Variants in PCNT observed in about 807,000 individuals in gnomAD.
The protein encoded by PCNT is pericentrin, also known as kendrin.
PCNT carries 319 observed loss-of-function variants against 380.4 expected under a neutral mutation model. That is an observed-to-expected ratio of 0.84 (90% CI 0.77 to 0.92). The LOEUF is 0.92. Among genes scored for constraint, PCNT ranks in the 40% least tolerant of loss-of-function variants. The probability of loss-of-function intolerance (pLI) is 0.00; values close to 1 mark genes in which losing one functional copy is unlikely to be tolerated. For missense variants in PCNT, 4,400 were observed against 4,255.3 expected, an observed-to-expected ratio of 1.03 and a Z score of -0.95; for synonymous variants, 1,845 against 1,735.2, an observed-to-expected ratio of 1.06 and a Z score of -1.57.
rs974887319 is a variant in PCNT, at chr21:46,425,608, C to T, written c.7180-223C>T. Among the ~76,000 whole-genome samples, 1 of 152,214 alleles carries T rather than the reference C, an allele frequency of 6.6e-6. No individual in the cohort carries two copies. Among genetic ancestry groups the T allele is most frequent in the African/African-American group, 2.4e-5 (1 of 41,458 alleles). ...GGCTTATAGAGAAATTCACTCCAAG[C>T]CTGGCTTCCGTGTTGTCTCTCTGAA... On this transcript the variant is annotated intron_variant, in intron 32 of 46. Coordinates refer to ENST00000359568, the MANE Select transcript of PCNT (RefSeq NM_006031.6). This position sits in a 1 kb window ranked among gnomAD's most constrained non-coding sequence, Gnocchi z 4.2.
intron 45 of PCNT, 56 bp from the exon 46 acceptor site, chr21:46,444,636 CAA>C: frequency 1.3e-6 from 2 of 1,569,308 alleles, no homozygotes; most frequent in South Asian, 2.2e-5. Context: ...CTCCGTCTGT[CAA>C]ACTCAACTCT....
rs1267029401 is a variant in PCNT at position 46,411,507 on chromosome 21, A to G, written c.5434A>G (p.Arg1812Gly). The G allele has an allele frequency of 6.2e-7, 1 of 1,609,354 alleles. No homozygotes were observed. Among genetic ancestry groups the G allele is most frequent in the Non-Finnish European group, 8.5e-7 (1 of 1,178,374 alleles). The change falls in exon 28 of 47, where the codon AGG (arginine) becomes GGG (glycine). Residue 1812 changes from arginine (R) to glycine (G), a missense_variant. Transcript: ENST00000359568. ...LSRLLADQER[R>G]HSQALEALQQ... ...CCGGCTGCTGGCTGACCAGGAGCGC[A>G]GGCACAGCCAGGCCCTGGAGGCCCT...
intron 35 of PCNT, 108 bp from the exon 36 acceptor site, chr21:46,429,902 C>G (rs936297631): frequency 1.3e-5 from 11 of 827,602 alleles, no homozygotes; most frequent in African/African-American, 1.7e-5. Flanking sequence ...TCCTTTCTTC[C>G]CGAAGCACAT....
chr21:46,347,429 C>T, intron 5 of PCNT, 28 bp from the exon 6 acceptor site: 1 of 1,613,546 alleles, frequency 6.2e-7, no homozygotes, highest in Non-Finnish European at 8.5e-7. Context: ...GATGGAGTGG[C>T]CTGAGCTGCT....
chr21:46,327,367 T>C (rs1390596135), intron 2 of PCNT, among the ~76,000 whole-genome samples: 4 of 151,552 alleles, frequency 2.6e-5, no homozygotes, highest in Non-Finnish European at 5.9e-5. Context: ...CCTATGGTTT[T>C]ATTCTTAATA....
At chr21:46,429,612 G>GC (rs1343736938) in intron 35 of PCNT, among the ~76,000 whole-genome samples, 1 of 152,190 alleles carries the variant, frequency 6.6e-6, no homozygotes, top group Non-Finnish European at 1.5e-5. Flanking sequence ...TTGGGAAGTA[G>GC]CCCCTCCGCC....
At chr21:46,401,396 C>T (rs2086422457) in intron 25 of PCNT, among the ~76,000 whole-genome samples, 155 bp from the exon 26 acceptor site, 1 of 152,216 alleles carries the variant, frequency 6.6e-6, no homozygotes, top group South Asian at 2.1e-4. Flanking sequence ...TCCTGGGTGC[C>T]AGTGTTGCCT....
Position 46,422,113 on chromosome 21 carries a change from A to G in PCNT, c.7168A>G (p.Lys2390Glu). 6.2e-7 allele frequency: 1 copy of G among 1,613,720 alleles called. No individual in the cohort carries two copies. Among genetic ancestry groups the G allele is most frequent in the Non-Finnish European group, 8.5e-7 (1 of 1,180,028 alleles). Residue 2390 changes from lysine (K) to glutamate (E), a missense_variant, in exon 32 of 47, where the codon AAG (lysine) becomes GAG (glutamate). By Grantham distance (56) the Lys-to-Glu change is moderately conservative. Transcript: ENST00000359568. ...EAMKEKEVRP[K>E]HVKALLQMVR... ...CATGAAGGAGAAGGAAGTGCGTCCG[A>G]AGCACGTGAAGGTATGGCTGGCAGG...
rs763041680 is a variant in PCNT, at chr21:46,391,331, A to T, written c.4171A>T (p.Ser1391Cys). 2.1e-5 allele frequency: 32 copies of T among 1,557,524 alleles called. No individual in the cohort carries two copies. In the East Asian group the frequency reaches 7.4e-4, roughly 36 times the overall value. ...GAGGGAGGAGTGCACCCGTCTGTGG[A>T]GTCGGGGGGAGGCCACAGCCACGGA... ...ALREECTRLW[S>C]RGEATATDAE... is the part of the protein sequence containing the mutation. The change falls in exon 21 of 47, where the codon AGT becomes TGT. Residue 1391 changes from serine (S) to cysteine (C), a missense_variant. Ser to Cys is a moderately radical substitution (Grantham distance 112, BLOSUM62 -1). Transcript: ENST00000359568.
rs2085551756 is a variant in PCNT at position 46,381,785 on chromosome 21, A to G, written c.3257A>G (p.Glu1086Gly). Reference protein sequence around the residue: ...QSAQAQPFHQEEKESLSLQLQ... With the variant: ...QSAQAQPFHQGEKESLSLQLQ... ...GCACAGGCACAGCCTTTTCACCAAG[A>G]GGAGAAAGAGTCTTTGTCTCTGCAG... The change falls in exon 16 of 47, where the codon GAG becomes GGG. Residue 1086 changes from glutamate to glycine, a missense_variant. By Grantham distance (98) the Glu-to-Gly change is moderately conservative. Transcript: ENST00000359568. The G allele has an allele frequency of 1.9e-6, 3 of 1,614,004 alleles. No individual in the cohort carries two copies. Among genetic ancestry groups the G allele is most frequent in the Admixed American group, 3.3e-5 (2 of 60,008 alleles).
chr21:46,420,235 T>A (rs564885399), intron 31 of PCNT, among the ~76,000 whole-genome samples: 1 of 152,344 alleles, frequency 6.6e-6, no homozygotes, highest in South Asian at 2.1e-4. Context: ...ACGTATCCTA[T>A]GATTTTCTCT....
chr21:46,353,761 A>G (rs906801608), intron 10 of PCNT, among the ~76,000 whole-genome samples: 5 of 132,628 alleles, frequency 3.8e-5, no homozygotes, highest in East Asian at 2.0e-4. Flanking sequence ...TGAGAGAGAC[A>G]GAGAGAGAGT....
rs898659540 is a variant in PCNT at position 46,432,195 on chromosome 21, C to T, written c.8731C>T (p.Gln2911Ter). ...PAAAEQWRKWQRDKEKLRELE... is the reference protein window; with the variant it reads ...PAAAEQWRKW The stretch of plus-strand genomic sequence containing the variant: ...GGCTGCGGAGCAGTGGAGGAAGTGG[C>T]AGAGAGACAAGGAGAAGCTGGTGAG... The change falls in exon 38 of 47, where the codon CAG becomes TAG. Residue 2911 changes from glutamine (Q) to a stop codon, truncating the protein, a stop_gained. Transcript: ENST00000359568. LOFTEE classifies it high-confidence loss of function. The T allele has an allele frequency of 6.2e-7, 1 of 1,611,332 alleles. No homozygotes were observed. Among genetic ancestry groups the T allele is most frequent in the South Asian group, 1.1e-5 (1 of 90,906 alleles).
At chr21:46,434,436 G>A (rs915666270) in intron 38 of PCNT, among the ~76,000 whole-genome samples, 1 of 152,208 alleles carries the variant, frequency 6.6e-6, no homozygotes, top group South Asian at 2.1e-4. Flanking sequence ...TCCCTGACAC[G>A]GCAAGCCGCC....
At chr21:46,325,218 C>G in intron 1 of PCNT, 1 of 984,228 alleles carries the variant, frequency 1.0e-6, no homozygotes, top group Non-Finnish European at 1.2e-6. Context: ...GAGGTGCGCG[C>G]CGCTCCCCCC....
intron 13 of PCNT, among the ~76,000 whole-genome samples, chr21:46,363,078 C>T (rs777032931): frequency 2.0e-4 from 31 of 152,288 alleles, no homozygotes; most frequent in South Asian, 1.2e-3. Flanking sequence ...AGTGGCCCAG[C>T]GCTATCTGTG....
intron 8 of PCNT, among the ~76,000 whole-genome samples, chr21:46,350,072 G>A (rs145536556): frequency 5.9e-5 from 9 of 152,222 alleles, no homozygotes; most frequent in African/African-American, 1.7e-4. Context: ...CCAGCTACTC[G>A]GGAGGCTGAG....
At chr21:46,338,530 A>T (rs1015147304) in intron 3 of PCNT, among the ~76,000 whole-genome samples, 3 of 151,756 alleles carry the variant, frequency 2.0e-5, no homozygotes, top group Non-Finnish European at 4.4e-5. Context: ...CATGGTACAC[A>T]GTTTGTTTAT....
At chr21:46,380,175 T>A (rs1261721320) in intron 15 of PCNT, among the ~76,000 whole-genome samples, 2 of 66,966 alleles carry the variant, frequency 3.0e-5, no homozygotes, top group Non-Finnish European at 6.5e-5. Flanking sequence ...TTTTTTTTTT[T>A]TTTTTTTTGA....
Sources: allele counts gnomAD v4.1 joint callset (sites outside exome capture counted in the v4.1 genomes callset), GRCh38; gene constraint gnomAD v4.1.1; non-coding constraint Gnocchi (gnomAD v3.1); transcripts MANE v1.5; gene names NCBI Gene and HGNC (gene_info 2026-07-23, HGNC 2026-07-21).